Variants in SORCS2 observed in about 807,000 individuals in gnomAD.
The protein encoded by SORCS2 is sortilin related VPS10 domain containing receptor 2.
A neutral mutation model predicts 141.6 loss-of-function variants in SORCS2; 100 were observed. The observed-to-expected ratio is 0.71, with a 90% CI of 0.60 to 0.83. The LOEUF (loss-of-function observed/expected upper bound fraction) is 0.83, where lower values mean the gene tolerates loss of function less well. Among genes scored for constraint, SORCS2 ranks in the 40% least tolerant of loss-of-function variants. The pLI is 0.00. For missense variants in SORCS2, 1,646 were observed against 1,560.2 expected (o/e 1.05, Z -0.93); for synonymous variants, 789 against 676.9 (o/e 1.17, Z -2.57).
intron 4 of SORCS2, among the ~76,000 whole-genome samples, chr4:7,650,967 C>T (rs80218774): frequency 0.014 from 2,190 of 152,210 alleles, 55 homozygotes; most frequent in African/African-American, 0.05. Context: ...AAATGCAGTG[C>T]GGACCGTATT....
intron 17 of SORCS2, among the ~76,000 whole-genome samples, chr4:7,716,744 T>C (rs1022504504): frequency 5.3e-5 from 8 of 152,194 alleles, no homozygotes; most frequent in Admixed American, 2.0e-4. Context: ...TGCACCTATG[T>C]ATCATGAAGC....
At chr4:7,454,581 G>A (rs1238075952) in intron 2 of SORCS2, among the ~76,000 whole-genome samples, 1 of 134,042 alleles carries the variant, frequency 7.5e-6, no homozygotes, top group African/African-American at 2.9e-5. Flanking sequence ...GCTGTGTGTT[G>A]GGGTCAGGTG....
At chr4:7,602,478 G>C (rs1717774393) in intron 3 of SORCS2, among the ~76,000 whole-genome samples, 2 of 150,772 alleles carry the variant, frequency 1.3e-5, no homozygotes, top group African/African-American at 2.5e-5. Context: ...ATCCCAGACG[G>C]GGCGGCGGGG....
chr4:7,546,469 G>A (rs1004769761), intron 3 of SORCS2, among the ~76,000 whole-genome samples: 1 of 152,078 alleles, frequency 6.6e-6, no homozygotes, highest in Non-Finnish European at 1.5e-5. Context: ...CGGCTCCATC[G>A]CAGTGAGGAA....
At chr4:7,477,588 C>G (rs879897028) in intron 2 of SORCS2, among the ~76,000 whole-genome samples, 5 of 152,186 alleles carry the variant, frequency 3.3e-5, no homozygotes, top group African/African-American at 9.7e-5. Flanking sequence ...GGGTCTGAGG[C>G]TCCCCTCTGC....
chr4:7,413,599 G>A (rs1187793223), intron 2 of SORCS2, among the ~76,000 whole-genome samples: 1 of 152,098 alleles, frequency 6.6e-6, no homozygotes, highest in Non-Finnish European at 1.5e-5. Flanking sequence ...CATTGGCAAG[G>A]ATGGTCTCAA....
chr4:7,549,516 C>T (rs1255254585), intron 3 of SORCS2, among the ~76,000 whole-genome samples: 2 of 152,126 alleles, frequency 1.3e-5, no homozygotes, highest in East Asian at 1.9e-4. Flanking sequence ...AGTCACTGGT[C>T]GCCTAAGGGC....
At chr4:7,235,978 G>A (rs1292231036) in intron 1 of SORCS2, among the ~76,000 whole-genome samples, 1 of 152,178 alleles carries the variant, frequency 6.6e-6, no homozygotes, top group Non-Finnish European at 1.5e-5. Context: ...ATCTTTACTA[G>A]ATGCTGAAGA....
At chr4:7,418,860 G>A (rs2109182250) in intron 2 of SORCS2, among the ~76,000 whole-genome samples, 1 of 152,312 alleles carries the variant, frequency 6.6e-6, no homozygotes, top group African/African-American at 2.4e-5. Flanking sequence ...TATCTTGGTG[G>A]CTCTCTTTCT....
At chr4:7,342,640 C>A (rs765092354) in intron 1 of SORCS2, among the ~76,000 whole-genome samples, 2 of 152,146 alleles carry the variant, frequency 1.3e-5, no homozygotes, top group Non-Finnish European at 2.9e-5. Context: ...CCTAGCTAAA[C>A]ACAGGGAAGA....
intron 3 of SORCS2, among the ~76,000 whole-genome samples, chr4:7,569,774 C>T (rs575144820): frequency 9.8e-5 from 15 of 152,318 alleles, no homozygotes; most frequent in African/African-American, 3.1e-4. Flanking sequence ...ACACAACACA[C>T]GTCTGATGAA....
intron 17 of SORCS2, among the ~76,000 whole-genome samples, chr4:7,716,287 T>C (rs1726181337): frequency 6.6e-6 from 1 of 152,202 alleles, no homozygotes; most frequent in Non-Finnish European, 1.5e-5. Flanking sequence ...AATTGCAGGC[T>C]TTGGCCTCAC....
chr4:7,541,458 C>A (rs770119714), intron 3 of SORCS2, among the ~76,000 whole-genome samples: 30 of 152,224 alleles, frequency 2.0e-4, no homozygotes, highest in Non-Finnish European at 3.5e-4. Context: ...TGATGATGGT[C>A]TCTGGGCAAG....
At chr4:7,196,983 C>T (rs1431962684) in intron 1 of SORCS2, among the ~76,000 whole-genome samples, 1 of 152,210 alleles carries the variant, frequency 6.6e-6, no homozygotes, top group African/African-American at 2.4e-5. Flanking sequence ...CAGGTGAATT[C>T]TCTTTCTAGG....
At chr4:7,281,686 C>G (rs1715893883) in intron 1 of SORCS2, among the ~76,000 whole-genome samples, 2 of 152,206 alleles carry the variant, frequency 1.3e-5, no homozygotes, top group Admixed American at 1.3e-4. Flanking sequence ...AAACCCTAGC[C>G]TTGATGGCAG....
chr4:7,556,520 C>A (rs1333937925), intron 3 of SORCS2, among the ~76,000 whole-genome samples: 1 of 152,072 alleles, frequency 6.6e-6, no homozygotes, highest in Non-Finnish European at 1.5e-5. Flanking sequence ...ATGGAAAGAC[C>A]CAGGAGGCTG....
chr4:7,611,077 G>T (rs976869282), intron 3 of SORCS2, among the ~76,000 whole-genome samples: 47 of 152,310 alleles, frequency 3.1e-4, no homozygotes, highest in African/African-American at 1.1e-3. Flanking sequence ...CAGCCACCAT[G>T]CAGCCCAGCA....
At chr4:7,266,631 C>T (rs1278398617) in intron 1 of SORCS2, among the ~76,000 whole-genome samples, 1 of 152,182 alleles carries the variant, frequency 6.6e-6, no homozygotes. Context: ...GGTGGTTTCC[C>T]ACAGTGTGAG....
At chr4:7,426,135 C>A (rs565272253) in intron 2 of SORCS2, among the ~76,000 whole-genome samples, 1 of 152,216 alleles carries the variant, frequency 6.6e-6, no homozygotes, top group Non-Finnish European at 1.5e-5. Flanking sequence ...CTCACAAGGC[C>A]GCCCTGTGGC....
Sources: allele counts gnomAD v4.1 joint callset (sites outside exome capture counted in the v4.1 genomes callset), GRCh38; gene constraint gnomAD v4.1.1; transcripts MANE v1.5; gene names NCBI Gene and HGNC (gene_info 2026-07-23, HGNC 2026-07-21).